The following MARK2 variants were observed in gnomAD, a reference collection of about 807,000 sequenced individuals.
MARK2 encodes microtubule affinity regulating kinase 2.
A neutral mutation model predicts 89.8 loss-of-function variants in MARK2; 16 were observed. That is an observed-to-expected ratio of 0.18 (90% CI 0.12 to 0.27). MARK2 has a LOEUF of 0.27. MARK2 is among the 10% of genes least tolerant of loss of function. The pLI, the probability that MARK2 is intolerant of heterozygous loss-of-function variation, is 1.00. For synonymous variants in MARK2, 382 were observed against 399.5 expected, an observed-to-expected ratio of 0.96 and a Z score of 0.52; for missense variants, 621 against 1,049.9, an observed-to-expected ratio of 0.59 and a Z score of 5.65.
Position 63,889,389 on chromosome 11 carries a change from C to T in MARK2, c.55-5770C>T, listed in dbSNP as rs187415591. Among the ~76,000 whole-genome samples, 374 of 152,362 alleles carry T rather than the reference C, an allele frequency of 2.5e-3. 1 individual carries two copies. The highest frequency in any genetic ancestry group is 7.7e-3 in the African/African-American group (319 of 41,586). On this transcript the variant is annotated intron_variant, in intron 1 of 18. Transcript: ENST00000402010. ...CCCTCCTGGTTTGGCTCCTTCTCAG[C>T]CCTCGGGAAGCCAAAGGACACTTGA...
chr11:63,869,136 C>T, intron 1 of MARK2: 1 of 318,628 alleles, frequency 3.1e-6, no homozygotes. Context: ...GTGAAGAAGG[C>T]ACCAGCTGTG....
In MARK2 at chr11:63,910,083, G is replaced by A. The variant is rs1323691284; in HGVS notation, c.*846G>A. ...AGGGGCTGACCCCAGGGCTGGGAGA[G>A]GGGAGGGGACTGGAGGGCAGACTGG... On this transcript the variant is annotated 3_prime_UTR_variant, in exon 19 of 19. Transcript: ENST00000402010. 1 of 152,446 alleles carries A rather than the reference G, an allele frequency of 6.6e-6. No individual in the cohort carries two copies. The highest frequency in any genetic ancestry group is 1.5e-5 in the Non-Finnish European group (1 of 68,190). 9.4% of individuals were successfully genotyped at this position (152,446 alleles called of 1,614,324 possible). A position where few individuals can be genotyped will look rare whatever the true frequency, so the allele number is the denominator to read the frequency against.
At chr11:63,867,307 T>A (rs563245257) in intron 1 of MARK2, among the ~76,000 whole-genome samples, 1 of 152,318 alleles carries the variant, frequency 6.6e-6, no homozygotes, top group South Asian at 2.1e-4. Flanking sequence ...GGATACCAGG[T>A]GTGAGCTACC....
At chr11:63,884,472 C>G (rs533179330) in intron 1 of MARK2, among the ~76,000 whole-genome samples, 1 of 152,346 alleles carries the variant, frequency 6.6e-6, no homozygotes, top group Non-Finnish European at 1.5e-5. Flanking sequence ...ATCTCCCTGC[C>G]TTGTGGTGAG....
intron 1 of MARK2, among the ~76,000 whole-genome samples, chr11:63,857,646 G>A (rs2016931449): frequency 6.6e-6 from 1 of 152,142 alleles, no homozygotes; most frequent in Admixed American, 6.5e-5. Flanking sequence ...TAAATGAATT[G>A]ATACATATTT....
Position 63,902,811 on chromosome 11 carries a change from CT to C in MARK2, c.1416+31del. ...AGCCGCACCCCCCGCTCTCTCCTTC[CT>C]TCCTGCGGTGGGGCCTGCCCTCTCC... On this transcript the variant is annotated intron_variant, in intron 13 of 18. Transcript: ENST00000402010. This position sits in a 1 kb window ranked among gnomAD's most constrained non-coding sequence, Gnocchi z 4.2. The C allele has an allele frequency of 6.3e-7, 1 of 1,579,784 alleles. No homozygotes were observed. Among genetic ancestry groups the C allele is most frequent in the Non-Finnish European group, 8.7e-7 (1 of 1,152,386 alleles).
chr11:63,861,943 G>A (rs980288820), intron 1 of MARK2, among the ~76,000 whole-genome samples: 1 of 108,260 alleles, frequency 9.2e-6, no homozygotes, highest in East Asian at 2.9e-4. Flanking sequence ...TTTTTTTTGA[G>A]ACGGTGTTTC....
At chr11:63,844,124 T>C (rs1288927946) in intron 1 of MARK2, among the ~76,000 whole-genome samples, 3 of 152,180 alleles carry the variant, frequency 2.0e-5, no homozygotes, top group Non-Finnish European at 4.4e-5. Flanking sequence ...GCAAGGGCTT[T>C]GGGAGTCCTT....
intron 1 of MARK2, among the ~76,000 whole-genome samples, chr11:63,878,477 C>T (rs1193435326): frequency 6.7e-6 from 1 of 149,440 alleles, no homozygotes; most frequent in East Asian, 2.0e-4. Context: ...TCACGCCATT[C>T]TCCTGCCTCA....
chr11:63,900,401 CCT>C lies in MARK2; in HGVS notation c.769-153_769-152del, dbSNP rs1940764126. Among the ~76,000 whole-genome samples the C allele has an allele frequency of 6.6e-6, 1 of 152,178 alleles. No individual in the cohort carries two copies. Among genetic ancestry groups the C allele is most frequent in the African/African-American group, 2.4e-5 (1 of 41,438 alleles). ...GTACGAGGGTATTTGACTTCACTTG[CCT>C]CTCTGGTGAGGTGTCTTGTCCCCAG... On this transcript the variant is annotated intron_variant, in intron 8 of 18. Transcript: ENST00000402010. The surrounding 1 kb of genome is among the most constrained non-coding windows in gnomAD (Gnocchi z 4.7).
At chr11:63,873,282 G>A (rs1310866483) in intron 1 of MARK2, among the ~76,000 whole-genome samples, 2 of 151,862 alleles carry the variant, frequency 1.3e-5, no homozygotes, top group African/African-American at 4.8e-5. Context: ...CTTTTTTCCC[G>A]AAAGCCAGGT....
At chr11:63,857,627 A>G (rs997531288) in intron 1 of MARK2, among the ~76,000 whole-genome samples, 3 of 152,222 alleles carry the variant, frequency 2.0e-5, no homozygotes, top group Admixed American at 6.5e-5. Context: ...GAGTTTACTC[A>G]TGTTCTGTTA....
At chr11:63,878,266 C>T (rs1938885805) in intron 1 of MARK2, among the ~76,000 whole-genome samples, 1 of 151,906 alleles carries the variant, frequency 6.6e-6, no homozygotes, top group South Asian at 2.1e-4. Flanking sequence ...AGCCTCATTC[C>T]TCATCTCCAT....
Position 63,904,904 on chromosome 11 carries a change from G to T in MARK2, c.1795G>T (p.Ala599Ser), listed in dbSNP as rs1565147923. 2 of 1,614,232 alleles carry T rather than the reference G, an allele frequency of 1.2e-6. No homozygotes were observed. Among genetic ancestry groups the T allele is most frequent in the African/African-American group, 1.3e-5 (1 of 75,056 alleles). ...TGTGTCCAGCCGAAGCACCTTCCATGCTGGGCAGCTCCGACAGGTGCGGGA... is the reference window on the plus strand; with the variant it reads ...TGTGTCCAGCCGAAGCACCTTCCATTCTGGGCAGCTCCGACAGGTGCGGGA... ...RGVSSRSTFH[A>S]GQLRQVRDQQ... The change falls in exon 16 of 19, where the codon GCT becomes TCT. Residue 599 changes from alanine to serine, a missense_variant. By Grantham distance (99) the Ala-to-Ser change is moderately conservative. Around this residue, in one of 5 missense-constraint regions of MARK2, gnomAD observed 397 missense variants for 567.8 expected, o/e 0.70. Coordinates refer to ENST00000402010, the MANE Select transcript of MARK2 (RefSeq NM_001039469.3). The surrounding 1 kb of genome is among the most constrained non-coding windows in gnomAD (Gnocchi z 6.3).
At chr11:63,908,143 C>CT in intron 17 of MARK2, 117 bp from the exon 18 acceptor site, 2 of 879,662 alleles carry the variant, frequency 2.3e-6, no homozygotes, top group South Asian at 3.0e-5. Flanking sequence ...GGGCCCTGGG[C>CT]TTGGGTCCTG....
intron 1 of MARK2, among the ~76,000 whole-genome samples, chr11:63,846,581 C>G (rs1208867786): frequency 6.6e-6 from 1 of 151,778 alleles, no homozygotes; most frequent in Non-Finnish European, 1.5e-5. Context: ...GCCTTGAACT[C>G]ATGACCTCGT....
At chr11:63,863,543 C>T (rs1937943559) in intron 1 of MARK2, among the ~76,000 whole-genome samples, 1 of 147,694 alleles carries the variant, frequency 6.8e-6, no homozygotes, top group Non-Finnish European at 1.5e-5. Context: ...CAGCTCACTG[C>T]AACCTCTGCC....
At chr11:63,846,730 A>T (rs1423824839) in intron 1 of MARK2, among the ~76,000 whole-genome samples, 1 of 148,294 alleles carries the variant, frequency 6.7e-6, no homozygotes, top group Non-Finnish European at 1.5e-5. Context: ...ATCTCGGCTC[A>T]CTGCAAGGTC....
At chr11:63,884,828 T>C (rs946443199) in intron 1 of MARK2, among the ~76,000 whole-genome samples, 3 of 152,134 alleles carry the variant, frequency 2.0e-5, no homozygotes, top group African/African-American at 7.2e-5. Flanking sequence ...TTGCTCAGAA[T>C]CAAAGGATGA....
Sources: allele counts gnomAD v4.1 joint callset (sites outside exome capture counted in the v4.1 genomes callset), GRCh38; gene constraint gnomAD v4.1.1; regional missense constraint gnomAD v4.1.1; non-coding constraint Gnocchi (gnomAD v3.1); transcripts MANE v1.5; gene names NCBI Gene and HGNC (gene_info 2026-07-23, HGNC 2026-07-21).